TRAF6: variants seen among roughly 807,000 people sequenced by gnomAD.
The protein encoded by TRAF6 is TNF receptor associated factor 6, also known as TNF receptor-associated factor 6.
Under a neutral mutation model 48.4 loss-of-function variants are expected in TRAF6, and 10 were observed. That is an observed-to-expected ratio of 0.21 (90% CI 0.13 to 0.35). The LOEUF is 0.35. Among genes scored for constraint, TRAF6 ranks in the 10% least tolerant of loss-of-function variants. TRAF6 has a pLI of 1.00. For missense variants in TRAF6, 397 were observed against 661.0 expected (o/e 0.60, Z 4.38); for synonymous variants, 186 against 219.6 (o/e 0.85, Z 1.35).
At chr11:36,497,025 T>C in intron 4 of TRAF6, 83 bp downstream of exon 4, 6 of 1,410,512 alleles carry the variant, frequency 4.3e-6, no homozygotes, top group Non-Finnish European at 5.8e-6. Flanking sequence ...CACATCCTTA[T>C]CTACTGCTAA....
chr11:36,496,429 TA>T (rs1219781001), intron 4 of TRAF6: 2 of 151,558 alleles, frequency 1.3e-5, no homozygotes, highest in Non-Finnish European at 2.9e-5. Context: ...AATACAAAAA[TA>T]TTAGCCGGGC....
At position 36,492,532 on chromosome 11, in the gene TRAF6, A is replaced by G; in HGVS notation, c.756+19T>C. The G allele has an allele frequency of 6.3e-7, 1 of 1,579,352 alleles. No individual in the cohort carries two copies. Among genetic ancestry groups the G allele is most frequent in the Non-Finnish European group, 8.6e-7 (1 of 1,162,410 alleles). The stretch of plus-strand genomic sequence containing the variant: ...TTTTTTTACTTATATTCAAGAATTA[A>G]AAGAAAAAAAAACCTTACCTTTTCA... On this transcript the variant is annotated intron_variant, in intron 6 of 6. Coordinates refer to ENST00000526995, the MANE Select transcript of TRAF6 (RefSeq NM_004620.4).
At chr11:36,496,773 CTTGT>C (rs1201049580) in intron 4 of TRAF6, among the ~76,000 whole-genome samples, 1 of 120,052 alleles carries the variant, frequency 8.3e-6, no homozygotes, top group African/African-American at 3.1e-5. Flanking sequence ...TCTTAATCTA[CTTGT>C]TTGTCTCCAA....
rs1430754467 is a variant in TRAF6 at position 36,490,249 on chromosome 11, C to T, written c.1158G>A (p.Gly386=). The change falls in exon 7 of 7, where the codon GGG becomes GGA. Residue 386 remains glycine (G), a synonymous_variant. Transcript: ENST00000526995. This position sits in a 1 kb window ranked among gnomAD's most constrained non-coding sequence, Gnocchi z 6.4. ...GGTGCAAGCGCATGCACAGTTTGTA[C>T]CCGGGTTTGCCAGTGTAGAATCCAG... ...HSPGFYTGKP[G]YKLCMRLHLQ... is the part of the protein sequence containing the mutation. 2.5e-6 allele frequency: 4 copies of T among 1,614,162 alleles called. No individual in the cohort carries two copies. Among genetic ancestry groups the T allele is most frequent in the South Asian group, 2.2e-5 (2 of 91,086 alleles).
intron 2 of TRAF6, 24 bp from the exon 3 acceptor site, chr11:36,498,664 ATTAGAT>A: frequency 6.3e-7 from 1 of 1,584,088 alleles, no homozygotes; most frequent in Non-Finnish European, 8.6e-7. Flanking sequence ...AATACACACA[ATTAGAT>A]TTAAAGACTC....
chr11:36,495,844 A>G (rs1054288532), intron 4 of TRAF6, among the ~76,000 whole-genome samples: 8 of 152,120 alleles, frequency 5.3e-5, no homozygotes, highest in African/African-American at 1.9e-4. Flanking sequence ...GTGAGCCGAG[A>G]TTGCGCCATT....
intron 4 of TRAF6, 111 bp downstream of exon 4, chr11:36,496,997 T>C (rs1046539934): frequency 3.5e-6 from 4 of 1,134,610 alleles, no homozygotes; most frequent in African/African-American, 1.6e-5. Flanking sequence ...ATTGATAATG[T>C]AGACTCAGAG....
At position 36,487,467 on chromosome 11, in the gene TRAF6, T is replaced by C. The variant is rs1859501580; in HGVS notation, c.*2371A>G. On this transcript the variant is annotated 3_prime_UTR_variant, in exon 7 of 7. Coordinates refer to ENST00000526995, the MANE Select transcript of TRAF6 (RefSeq NM_004620.4). ...AAATGCCAAATGTTGGGGGTTAAAA[T>C]TGCTCATTTTACTTAAGATGTGACC... is the stretch of plus-strand genomic sequence containing the variant. 1 of 152,220 alleles carries C rather than the reference T, an allele frequency of 6.6e-6. No homozygotes were observed. The highest frequency in any genetic ancestry group is 2.4e-5 in the African/African-American group (1 of 41,458). 9.4% of individuals were successfully genotyped at this position (152,220 alleles called of 1,614,324 possible).
At chr11:36,492,752 A>C (rs1383249014) in intron 5 of TRAF6, 124 bp from the exon 6 acceptor site, 2 of 658,656 alleles carry the variant, frequency 3.0e-6, no homozygotes, top group African/African-American at 3.7e-5. Flanking sequence ...GAATAGGTGC[A>C]GCATAAACCA....
chr11:36,506,578 G>A (rs1859787298), intron 1 of TRAF6, among the ~76,000 whole-genome samples: 1 of 152,072 alleles, frequency 6.6e-6, no homozygotes. Context: ...ATAGTTTATT[G>A]GATAGTCTAT....
At chr11:36,493,761 A>G (rs1859593340) in intron 5 of TRAF6, among the ~76,000 whole-genome samples, 2 of 152,198 alleles carry the variant, frequency 1.3e-5, no homozygotes, top group African/African-American at 4.8e-5. Context: ...AAATGTTAAA[A>G]GACAGCAAAA....
rs1034765229 is a variant in TRAF6 at position 36,487,450 on chromosome 11, A to C, written c.*2388T>G. 1 of 152,230 alleles carries C rather than the reference A, an allele frequency of 6.6e-6. No homozygotes were observed. The highest frequency in any genetic ancestry group is 2.4e-5 in the African/African-American group (1 of 41,456). 9.4% of individuals were successfully genotyped at this position (152,230 alleles called of 1,614,324 possible). On this transcript the variant is annotated 3_prime_UTR_variant, in exon 7 of 7. Coordinates refer to ENST00000526995, the MANE Select transcript of TRAF6 (RefSeq NM_004620.4). ...CTGGCTGGTTTATGACAAAATGCCA[A>C]ATGTTGGGGGTTAAAATTGCTCATT...
chr11:36,507,986 G>C (rs1346633821), intron 1 of TRAF6, among the ~76,000 whole-genome samples: 3 of 151,292 alleles, frequency 2.0e-5, no homozygotes, highest in African/African-American at 4.9e-5. Context: ...CTCCCAAGTA[G>C]CTGGGACTAC....
intron 5 of TRAF6, among the ~76,000 whole-genome samples, chr11:36,493,378 C>G (rs931937214): frequency 1.3e-5 from 2 of 152,160 alleles, no homozygotes; most frequent in Non-Finnish European, 2.9e-5. Flanking sequence ...CAAGAGGGAA[C>G]AGTGTAGAAC....
At chr11:36,496,649 A>G (rs1325569788) in intron 4 of TRAF6, 4 of 159,930 alleles carry the variant, frequency 2.5e-5, no homozygotes, top group African/African-American at 4.8e-5. Flanking sequence ...AATACATTAT[A>G]TACGCTGCAC....
In TRAF6 at chr11:36,489,549, C is replaced by A; in HGVS notation, c.*289G>T. 1 of 368,732 alleles carries A rather than the reference C, an allele frequency of 2.7e-6. No individual in the cohort carries two copies. The highest frequency in any genetic ancestry group is 4.9e-6 in the Non-Finnish European group (1 of 205,418). The allele number at this position is 368,732 out of a possible 1,614,324, so 22.8% of individuals were successfully genotyped here. A position where few individuals can be genotyped will look rare whatever the true frequency, so the allele number is the denominator to read the frequency against. Reference sequence around the variant, plus strand: ...CAATAAAATACACCAGAGCAAAAGCCCAAGAAAGTACAACAAAGAGGTATA... The same window carrying A: ...CAATAAAATACACCAGAGCAAAAGCACAAGAAAGTACAACAAAGAGGTATA... On this transcript the variant is annotated 3_prime_UTR_variant, in exon 7 of 7. Coordinates refer to ENST00000526995, the MANE Select transcript of TRAF6 (RefSeq NM_004620.4).
intron 3 of TRAF6, among the ~76,000 whole-genome samples, chr11:36,497,888 T>A (rs1859662094): frequency 1.3e-5 from 2 of 150,952 alleles, no homozygotes; most frequent in Non-Finnish European, 1.5e-5. Flanking sequence ...ACTTGTATTT[T>A]TTTTTTTTTT....
rs1377998138 is a variant in TRAF6 at position 36,498,471 on chromosome 11, T to C, written c.447+19A>G. ...TTCCTTTTATACATGTGCTAACAGC[T>C]AGAAAAGAACTTTAATACCTCAAGA... On this transcript the variant is annotated intron_variant, in intron 3 of 6. Transcript: ENST00000526995. The C allele has an allele frequency of 3.7e-6, 6 of 1,600,308 alleles. No individual in the cohort carries two copies.
intron 1 of TRAF6, among the ~76,000 whole-genome samples, chr11:36,507,778 A>G (rs1859824962): frequency 7.0e-6 from 1 of 142,318 alleles, no homozygotes; most frequent in South Asian, 2.2e-4. Context: ...ACATATACAA[A>G]TATATGTATA....
Sources: allele counts gnomAD v4.1 joint callset (sites outside exome capture counted in the v4.1 genomes callset), GRCh38; gene constraint gnomAD v4.1.1; non-coding constraint Gnocchi (gnomAD v3.1); transcripts MANE v1.5; gene names NCBI Gene and HGNC (gene_info 2026-07-23, HGNC 2026-07-21).